The following RAB27B variants were observed in gnomAD, a reference collection of about 807,000 sequenced individuals.
RAB27B encodes the protein ras-related protein Rab-27B.
A neutral mutation model predicts 24.6 loss-of-function variants in RAB27B; 15 were observed. The ratio of observed to expected loss-of-function variants is 0.61; its 90% CI spans 0.41 to 0.94. RAB27B has a LOEUF of 0.94. Ranked by LOEUF, RAB27B falls within the 40% of genes least tolerant of loss-of-function variation. RAB27B has a pLI of 0.00. For missense variants in RAB27B, 261 were observed against 266.8 expected (o/e 0.98, Z 0.15); for synonymous variants, 105 against 92.5 (o/e 1.14, Z -0.78).
intron 1 of RAB27B, among the ~76,000 whole-genome samples, chr18:54,852,011 T>C (rs1441520392): frequency 6.6e-6 from 1 of 152,224 alleles, no homozygotes; most frequent in East Asian, 1.9e-4. Context: ...ACTTGAGCAT[T>C]CTGTGTTTCA....
At chr18:54,800,478 A>G (rs1441559310) in intron 2 of RAB27B, among the ~76,000 whole-genome samples, 1 of 152,218 alleles carries the variant, frequency 6.6e-6, no homozygotes. Context: ...AGCACTGGGC[A>G]TTAATTCCTT....
intron 2 of RAB27B, among the ~76,000 whole-genome samples, chr18:54,731,861 A>C (rs1401250174): frequency 1.3e-5 from 2 of 152,204 alleles, no homozygotes; most frequent in Non-Finnish European, 2.9e-5. Context: ...TTTGTAGGCT[A>C]TTTTAACAGA....
At position 54,891,311 on chromosome 18, in the gene RAB27B, C is replaced by T. The variant is rs1913360973; in HGVS notation, c.*1898C>T. The T allele has an allele frequency of 6.6e-6, 1 of 151,078 alleles. No individual in the cohort carries two copies. The highest frequency in any genetic ancestry group is 2.5e-5 in the African/African-American group (1 of 40,442). The allele number at this position is 151,078 out of a possible 1,614,324, so 9.4% of individuals were successfully genotyped here. The stretch of plus-strand genomic sequence containing the variant: ...TGCTGTTAGCCCCTGATGAAATTCT[C>T]AGCATTAACTGGCCAGCTCCTCTGA... On this transcript the variant is annotated 3_prime_UTR_variant, in exon 6 of 6. Coordinates refer to ENST00000262094, the MANE Select transcript of RAB27B (RefSeq NM_004163.4).
At chr18:54,763,297 CTATG>C (rs1908252165) in intron 2 of RAB27B, among the ~76,000 whole-genome samples, 1 of 151,770 alleles carries the variant, frequency 6.6e-6, no homozygotes, top group Admixed American at 6.6e-5. Context: ...ATATATATGT[CTATG>C]TGTTTGTTTA....
At chr18:54,862,421 C>G (rs1366625697) in intron 1 of RAB27B, among the ~76,000 whole-genome samples, 5 of 152,152 alleles carry the variant, frequency 3.3e-5, no homozygotes, top group Admixed American at 6.5e-5. Context: ...TCTTAACTGC[C>G]ACAGCATCAA....
chr18:54,814,543 G>A (rs945009703), intron 2 of RAB27B, among the ~76,000 whole-genome samples: 2 of 152,130 alleles, frequency 1.3e-5, no homozygotes, highest in African/African-American at 4.8e-5. Context: ...ATACTCCAGA[G>A]CAGATTACCC....
Position 54,877,736 on chromosome 18 carries a change from G to T in RAB27B, c.151G>T (p.Val51Leu), listed in dbSNP as rs538294426. Residue 51 changes from valine to leucine, a missense_variant and splice_region_variant, in exon 2 of 6, where the codon GTG becomes TTG. Val to Leu is a conservative substitution (Grantham distance 32). Coordinates refer to ENST00000262094, the MANE Select transcript of RAB27B (RefSeq NM_004163.4). ...TVGIDFREKR[V>L]VYNAQGPNGS... The stretch of plus-strand genomic sequence containing the variant: ...AGGAATAGACTTTCGGGAAAAACGT[G>T]TGGTGAGTTTTTAATCGTACTTCTA... The T allele has an allele frequency of 4.4e-6, 7 of 1,578,302 alleles. No homozygotes were observed. Among genetic ancestry groups the T allele is most frequent in the African/African-American group, 1.4e-5 (1 of 72,442 alleles).
intron 2 of RAB27B, among the ~76,000 whole-genome samples, chr18:54,804,847 T>TCCTTC (rs1343102485): frequency 7.3e-5 from 1 of 13,736 alleles, no homozygotes; most frequent in Non-Finnish European, 1.4e-3. Flanking sequence ...TTCTTTTCTT[T>TCCTTC]CCTTCCTTCC....
chr18:54,739,134 T>C (rs1833298), intron 2 of RAB27B, among the ~76,000 whole-genome samples: 9,728 of 152,244 alleles, frequency 0.064, 396 homozygotes, highest in African/African-American at 0.092. Context: ...AATTTATTAG[T>C]ACTCAATAGT....
chr18:54,839,793 C>G (rs1318320412), intron 1 of RAB27B, among the ~76,000 whole-genome samples: 2 of 152,082 alleles, frequency 1.3e-5, no homozygotes, highest in African/African-American at 2.4e-5. Context: ...TTTAAAATTA[C>G]CCTGTACACA....
At chr18:54,854,193 T>C (rs1379589403) in intron 1 of RAB27B, among the ~76,000 whole-genome samples, 1 of 152,204 alleles carries the variant, frequency 6.6e-6, no homozygotes, top group Admixed American at 6.5e-5. Flanking sequence ...AATACAGATA[T>C]TTAGAAATTG....
intron 1 of RAB27B, among the ~76,000 whole-genome samples, chr18:54,867,451 T>C (rs866905592): frequency 4.2e-5 from 6 of 143,428 alleles, no homozygotes; most frequent in African/African-American, 1.5e-4. Flanking sequence ...TCTTTTTTTT[T>C]TTTTTTTTTT....
chr18:54,779,676 T>C (rs1908828112), intron 2 of RAB27B, among the ~76,000 whole-genome samples: 1 of 152,166 alleles, frequency 6.6e-6, no homozygotes. Flanking sequence ...GATATCAGCA[T>C]CAATGGGAAT....
At chr18:54,761,855 C>T (rs1908199773) in intron 2 of RAB27B, among the ~76,000 whole-genome samples, 1 of 152,036 alleles carries the variant, frequency 6.6e-6, no homozygotes, top group Admixed American at 6.6e-5. Flanking sequence ...GACTAGTGTC[C>T]CTCCAAAATC....
intron 2 of RAB27B, among the ~76,000 whole-genome samples, chr18:54,737,812 G>C (rs1909944967): frequency 6.6e-6 from 1 of 152,030 alleles, no homozygotes; most frequent in African/African-American, 2.4e-5. Context: ...ATATTGAAGA[G>C]GCAAGATTTT....
intron 2 of RAB27B, among the ~76,000 whole-genome samples, chr18:54,793,312 C>A (rs1262168200): frequency 1.3e-5 from 2 of 152,166 alleles, no homozygotes; most frequent in Non-Finnish European, 1.5e-5. Flanking sequence ...TACTAGCAAA[C>A]CGACTTAGGG....
At chr18:54,762,850 C>A (rs894693660) in intron 2 of RAB27B, among the ~76,000 whole-genome samples, 2 of 152,192 alleles carry the variant, frequency 1.3e-5, no homozygotes, top group African/African-American at 4.8e-5. Context: ...CTCCAGTTTG[C>A]AGGCTCTGTG....
At chr18:54,809,161 A>G (rs79169832) in intron 2 of RAB27B, among the ~76,000 whole-genome samples, 5,164 of 152,222 alleles carry the variant, frequency 0.034, 141 homozygotes, top group Admixed American at 0.078. Context: ...ACACCCTCCC[A>G]CCTTGCCTCA....
chr18:54,816,316 A>G (rs1283517030), intron 2 of RAB27B, among the ~76,000 whole-genome samples: 11 of 152,326 alleles, frequency 7.2e-5, no homozygotes, highest in East Asian at 1.9e-4. Flanking sequence ...TACATCAAAC[A>G]TGGGGTCATA....
Sources: gnomAD v4.1 joint callset for allele counts (sites outside exome capture counted in the v4.1 genomes callset) on GRCh38, gnomAD v4.1.1 for gene constraint, MANE v1.5 for transcripts, NCBI Gene and HGNC (gene_info 2026-07-23, HGNC 2026-07-21) for gene names.